Variants in SDK1 observed in about 807,000 individuals in gnomAD.
SDK1 encodes protein sidekick-1.
SDK1 carries 157 observed loss-of-function variants against 245.5 expected under a neutral mutation model. The ratio of observed to expected loss-of-function variants is 0.64; its 90% CI spans 0.56 to 0.73. The LOEUF is 0.73. Ranked by LOEUF, SDK1 falls within the 30% of genes least tolerant of loss-of-function variation. The pLI is 0.00. For missense variants in SDK1, 3,583 were observed against 3,002.3 expected, an observed-to-expected ratio of 1.19 and a Z score of -4.52; for synonymous variants, 1,647 against 1,278.5, an observed-to-expected ratio of 1.29 and a Z score of -6.15.
chr7:3,383,471 A>T (rs1395417050), intron 1 of SDK1, among the ~76,000 whole-genome samples: 1 of 152,158 alleles, frequency 6.6e-6, no homozygotes, highest in African/African-American at 2.4e-5. Context: ...ATAAAAGGAT[A>T]AAAAGATGTG....
At chr7:3,348,078 G>A (rs1256751245) in intron 1 of SDK1, among the ~76,000 whole-genome samples, 1 of 152,140 alleles carries the variant, frequency 6.6e-6, no homozygotes, top group African/African-American at 2.4e-5. Context: ...AGGCCTTGGT[G>A]TGTTTACCTC....
chr7:3,797,309 C>G (rs888879913), intron 4 of SDK1, among the ~76,000 whole-genome samples: 2 of 151,568 alleles, frequency 1.3e-5, no homozygotes, highest in Non-Finnish European at 2.9e-5. Context: ...AAAGGTTCAT[C>G]TTTTCCTGTT....
chr7:3,320,936 A>C (rs1017384989), intron 1 of SDK1, among the ~76,000 whole-genome samples: 1 of 152,204 alleles, frequency 6.6e-6, no homozygotes, highest in African/African-American at 2.4e-5. Flanking sequence ...GTCTTAATTT[A>C]AACCTTGTGC....
intron 4 of SDK1, among the ~76,000 whole-genome samples, chr7:3,653,439 C>G (rs998441799): frequency 6.6e-6 from 1 of 152,032 alleles, no homozygotes; most frequent in African/African-American, 2.4e-5. Context: ...GCCAAGATTG[C>G]ATGGAGGGGC....
At chr7:3,585,314 G>A (rs964851113) in intron 1 of SDK1, among the ~76,000 whole-genome samples, 3 of 152,204 alleles carry the variant, frequency 2.0e-5, no homozygotes, top group Non-Finnish European at 4.4e-5. Flanking sequence ...AAAATAAGGA[G>A]AGGAAACAGG....
In SDK1 at chr7:3,906,738, C is replaced by T. The variant is rs563082124; in HGVS notation, c.848-44185C>T. On this transcript the variant is annotated intron_variant, in intron 5 of 44. Coordinates refer to ENST00000404826, the MANE Select transcript of SDK1 (RefSeq NM_152744.4). ...TGCCTCCCAGGTTCAAGCAATTATC[C>T]TGCCTCAGCCTCCTGAGTAGCTGGG... Among the ~76,000 whole-genome samples, 17 of 145,750 alleles carry T rather than the reference C, an allele frequency of 1.2e-4. No individual in the cohort carries two copies. The South Asian group carries it at 3.8e-3, about 33-fold the overall frequency.
At chr7:3,818,783 G>A (rs1433600610) in intron 4 of SDK1, among the ~76,000 whole-genome samples, 1 of 152,148 alleles carries the variant, frequency 6.6e-6, no homozygotes, top group African/African-American at 2.4e-5. Context: ...TCTCTATTCT[G>A]CTGCCACAAT....
At chr7:3,403,867 A>G (rs1463747807) in intron 1 of SDK1, among the ~76,000 whole-genome samples, 1 of 102,030 alleles carries the variant, frequency 9.8e-6, no homozygotes, top group Non-Finnish European at 1.9e-5. Flanking sequence ...ATATATATAT[A>G]TAATATATAT....
intron 4 of SDK1, among the ~76,000 whole-genome samples, chr7:3,707,299 A>T (rs989219464): frequency 6.6e-6 from 1 of 152,182 alleles, no homozygotes; most frequent in African/African-American, 2.4e-5. Context: ...TCTTGATTTC[A>T]TTGTCAATTC....
chr7:3,801,011 G>C (rs1034482247), intron 4 of SDK1, among the ~76,000 whole-genome samples: 2 of 152,128 alleles, frequency 1.3e-5, no homozygotes, highest in African/African-American at 4.8e-5. Flanking sequence ...CCTGAACTCA[G>C]ACATTTGCAC....
chr7:3,772,050 G>A (rs1780419930), intron 4 of SDK1, among the ~76,000 whole-genome samples: 2 of 152,122 alleles, frequency 1.3e-5, no homozygotes, highest in African/African-American at 2.4e-5. Flanking sequence ...CTAATGTAAT[G>A]TCCTCAAAAT....
At chr7:3,836,439 T>G (rs1302027656) in intron 5 of SDK1, among the ~76,000 whole-genome samples, 1 of 152,218 alleles carries the variant, frequency 6.6e-6, no homozygotes, top group Non-Finnish European at 1.5e-5. Flanking sequence ...ACTCAAGATG[T>G]ATTTACTGAG....
intron 8 of SDK1, among the ~76,000 whole-genome samples, chr7:3,961,228 C>A (rs1781656322): frequency 6.6e-6 from 1 of 152,192 alleles, no homozygotes; most frequent in Non-Finnish European, 1.5e-5. Flanking sequence ...AAAGTGACAT[C>A]ATGTAACTGC....
At chr7:3,466,725 G>A (rs771681951) in intron 1 of SDK1, among the ~76,000 whole-genome samples, 12 of 151,294 alleles carry the variant, frequency 7.9e-5, no homozygotes, top group African/African-American at 2.7e-4. Context: ...CTATTTATAC[G>A]ATTATGATAA....
intron 43 of SDK1, among the ~76,000 whole-genome samples, chr7:4,245,214 G>A (rs1583165152): frequency 6.6e-6 from 1 of 152,076 alleles, no homozygotes; most frequent in East Asian, 1.9e-4. Flanking sequence ...GACCAGGCCT[G>A]GTGCAAACTT....
rs549812075 is a variant in SDK1, at chr7:3,601,233, A to G, written c.299-17847A>G. 2.0e-5 allele frequency among the ~76,000 whole-genome samples: 3 copies of G among 152,308 alleles called. No individual in the cohort carries two copies. The East Asian group carries it at 5.8e-4, about 29-fold the overall frequency. Reference sequence around the variant, plus strand: ...TATCAAGGTAGTAATAGTCTTCAAGAAATGAATTGGGAGATGTTTCTTTCT... The same window carrying G: ...TATCAAGGTAGTAATAGTCTTCAAGGAATGAATTGGGAGATGTTTCTTTCT... On this transcript the variant is annotated intron_variant, in intron 1 of 44. Coordinates refer to ENST00000404826, the MANE Select transcript of SDK1 (RefSeq NM_152744.4).
chr7:4,079,020 C>G (rs1343384636), intron 21 of SDK1, among the ~76,000 whole-genome samples: 2 of 152,192 alleles, frequency 1.3e-5, no homozygotes, highest in African/African-American at 4.8e-5. Context: ...AACCCTGGGC[C>G]TATGCACTCT....
At chr7:3,995,185 C>G (rs927178877) in intron 14 of SDK1, among the ~76,000 whole-genome samples, 3 of 152,192 alleles carry the variant, frequency 2.0e-5, no homozygotes, top group Admixed American at 1.3e-4. Flanking sequence ...CAAGGCATTC[C>G]TCCGGATTCC....
intron 33 of SDK1, among the ~76,000 whole-genome samples, chr7:4,175,563 T>C (rs1047756002): frequency 6.6e-6 from 1 of 152,192 alleles, no homozygotes; most frequent in African/African-American, 2.4e-5. Context: ...CTGGGGTGCC[T>C]TGTTGTTTAC....
Sources: gnomAD v4.1 joint callset for allele counts (sites outside exome capture counted in the v4.1 genomes callset) on GRCh38, gnomAD v4.1.1 for gene constraint, MANE v1.5 for transcripts, NCBI Gene and HGNC (gene_info 2026-07-23, HGNC 2026-07-21) for gene names.